Variants in MALRD1 observed in about 807,000 individuals in gnomAD.
MALRD1 encodes MAM and LDL receptor class A domain containing 1.
MALRD1 carries 247 observed loss-of-function variants against 242.1 expected under a neutral mutation model. The ratio of observed to expected loss-of-function variants is 1.02; its 90% CI spans 0.92 to 1.13. The LOEUF (loss-of-function observed/expected upper bound fraction) is 1.13, where lower values mean the gene tolerates loss of function less well. MALRD1 is among the 50% of genes most tolerant of loss of function. The pLI is 0.00. For missense variants in MALRD1, 2,989 were observed against 2,533.1 expected, an observed-to-expected ratio of 1.18 and a Z score of -3.86; for synonymous variants, 995 against 866.6, an observed-to-expected ratio of 1.15 and a Z score of -2.60.
chr10:19,634,984 T>G (rs1840066145), intron 36 of MALRD1, among the ~76,000 whole-genome samples: 1 of 152,164 alleles, frequency 6.6e-6, no homozygotes, highest in African/African-American at 2.4e-5. Context: ...GGTAAAATTT[T>G]GCCTTGATCT....
At chr10:19,068,484 T>C (rs1430048540) in intron 2 of MALRD1, among the ~76,000 whole-genome samples, 1 of 152,064 alleles carries the variant, frequency 6.6e-6, no homozygotes, top group Non-Finnish European at 1.5e-5. Context: ...AGTCAGCTGG[T>C]TTTGTAGTCT....
intron 28 of MALRD1, among the ~76,000 whole-genome samples, chr10:19,414,626 A>C (rs1833429452): frequency 6.6e-6 from 1 of 152,184 alleles, no homozygotes; most frequent in African/African-American, 2.4e-5. Flanking sequence ...AGTTATTCTC[A>C]GAAATGTATT....
intron 31 of MALRD1, among the ~76,000 whole-genome samples, chr10:19,506,301 A>C (rs1833135978): frequency 6.6e-6 from 1 of 152,238 alleles, no homozygotes; most frequent in Non-Finnish European, 1.5e-5. Flanking sequence ...TGAAAGAGAA[A>C]GTAGAGGAAA....
chr10:19,461,578 T>C (rs536691328), intron 29 of MALRD1, among the ~76,000 whole-genome samples: 32 of 152,204 alleles, frequency 2.1e-4, no homozygotes, highest in South Asian at 1.9e-3. Flanking sequence ...GTAGGGGCAG[T>C]GGCTCACATC....
At chr10:19,658,211 A>C (rs2131726146) in intron 36 of MALRD1, among the ~76,000 whole-genome samples, 1 of 152,166 alleles carries the variant, frequency 6.6e-6, no homozygotes, top group African/African-American at 2.4e-5. Flanking sequence ...AAACATTAAG[A>C]ATCTCCATTA....
intron 33 of MALRD1, among the ~76,000 whole-genome samples, chr10:19,591,661 C>G (rs1319188669): frequency 6.6e-6 from 1 of 152,022 alleles, no homozygotes; most frequent in African/African-American, 2.4e-5. Flanking sequence ...ACCACGCAGG[C>G]TAATTTTTGT....
At chr10:19,264,343 G>A (rs760303308) in intron 19 of MALRD1, among the ~76,000 whole-genome samples, 9 of 151,638 alleles carry the variant, frequency 5.9e-5, no homozygotes, top group Non-Finnish European at 1.2e-4. Context: ...CTAGTATTTT[G>A]TTGAGGATTT....
intron 24 of MALRD1, among the ~76,000 whole-genome samples, chr10:19,347,469 A>G (rs34084520): frequency 6.6e-6 from 1 of 152,190 alleles, no homozygotes; most frequent in Non-Finnish European, 1.5e-5. Flanking sequence ...AGATGAGAAG[A>G]CAGAATAAAT....
At chr10:19,439,916 T>G (rs1383773062) in intron 28 of MALRD1, among the ~76,000 whole-genome samples, 2 of 152,196 alleles carry the variant, frequency 1.3e-5, no homozygotes, top group Non-Finnish European at 2.9e-5. Flanking sequence ...GTGTCAAAAC[T>G]TACATTTTGT....
intron 5 of MALRD1, among the ~76,000 whole-genome samples, chr10:19,105,197 A>C (rs1367516679): frequency 6.6e-6 from 1 of 151,890 alleles, no homozygotes; most frequent in Non-Finnish European, 1.5e-5. Context: ...TCTGGTAACC[A>C]CTATTCTACA....
At chr10:19,678,651 C>A (rs7085671) in intron 36 of MALRD1, among the ~76,000 whole-genome samples, 1 of 151,948 alleles carries the variant, frequency 6.6e-6, no homozygotes, top group Admixed American at 6.6e-5. Context: ...TCTTTCTCTT[C>A]TCTGATTGCC....
chr10:19,663,800 T>A (rs1841551594), intron 36 of MALRD1, among the ~76,000 whole-genome samples: 1 of 152,080 alleles, frequency 6.6e-6, no homozygotes. Context: ...ATGGGAGTTT[T>A]TTTTTTCCCA....
intron 31 of MALRD1, among the ~76,000 whole-genome samples, chr10:19,507,216 G>A (rs183289837): frequency 6.6e-6 from 1 of 152,048 alleles, no homozygotes; most frequent in Non-Finnish European, 1.5e-5. Flanking sequence ...CAGCAACGGG[G>A]ATTTCAGTTA....
chr10:19,570,338 A>C (rs900793161), intron 33 of MALRD1, among the ~76,000 whole-genome samples: 2 of 152,194 alleles, frequency 1.3e-5, no homozygotes, highest in Non-Finnish European at 2.9e-5. Flanking sequence ...ATTATGCAAT[A>C]CCGTGAAATA....
chr10:19,128,473 G>A (rs527676489), intron 8 of MALRD1, 86 bp downstream of exon 8: 2 of 878,576 alleles, frequency 2.3e-6, no homozygotes, highest in East Asian at 3.3e-5. Flanking sequence ...TTTCTCAGTT[G>A]CGCATAGGCT....
chr10:19,083,874 G>A (rs1291620794), intron 2 of MALRD1, among the ~76,000 whole-genome samples: 1 of 151,952 alleles, frequency 6.6e-6, no homozygotes, highest in East Asian at 1.9e-4. Flanking sequence ...AAAAGCTTTG[G>A]CTAATTTCCA....
chr10:19,239,585 A>G (rs1323966378), intron 18 of MALRD1, among the ~76,000 whole-genome samples: 1 of 152,164 alleles, frequency 6.6e-6, no homozygotes, highest in Non-Finnish European at 1.5e-5. Flanking sequence ...CCAAAGTTAT[A>G]GAGAATTTCC....
chr10:19,719,565 C>G (rs1382634653), intron 38 of MALRD1, among the ~76,000 whole-genome samples: 1 of 152,020 alleles, frequency 6.6e-6, no homozygotes, highest in Non-Finnish European at 1.5e-5. Context: ...AATAAAGCAG[C>G]TGCTGTATCA....
chr10:19,592,784 C>CAA (rs1837884582), intron 33 of MALRD1, among the ~76,000 whole-genome samples: 3 of 151,472 alleles, frequency 2.0e-5, no homozygotes, highest in Non-Finnish European at 4.4e-5. Context: ...CACACACACA[C>CAA]ACACACCATT....
Sources: gnomAD v4.1 joint callset for allele counts (sites outside exome capture counted in the v4.1 genomes callset) on GRCh38, gnomAD v4.1.1 for gene constraint, MANE v1.5 for transcripts, NCBI Gene and HGNC (gene_info 2026-07-23, HGNC 2026-07-21) for gene names.